MUC4: variants seen among roughly 807,000 people sequenced by gnomAD.
The protein encoded by MUC4 is mucin-4.
A neutral mutation model predicts 257.9 loss-of-function variants in MUC4; 202 were observed. The ratio of observed to expected loss-of-function variants is 0.78; its 90% CI spans 0.70 to 0.88. The LOEUF (loss-of-function observed/expected upper bound fraction) is 0.88, where lower values mean the gene tolerates loss of function less well. Among genes scored for constraint, MUC4 ranks in the 40% least tolerant of loss-of-function variants. The probability of loss-of-function intolerance (pLI) is 0.00; values close to 1 mark genes in which losing one functional copy is unlikely to be tolerated. For missense variants in MUC4, 5,976 were observed against 6,513.7 expected, an observed-to-expected ratio of 0.92 and a Z score of 2.84; for synonymous variants, 2,351 against 2,757.1, an observed-to-expected ratio of 0.85 and a Z score of 4.62.
At position 195,748,920 on chromosome 3, in the gene MUC4, G is replaced by A; in HGVS notation, c.16016C>T (p.Pro5339Leu). Reference protein sequence around the residue: ...CDHGGQCQHLPSGPRCSCVSF... With the variant: ...CDHGGQCQHLLSGPRCSCVSF... Reference sequence around the variant, plus strand: ...TATGCACCTGCAGCGGGGCCCACTGGGCAGGTGCTGGCACTGGCCTCCATG... The same window carrying A: ...TATGCACCTGCAGCGGGGCCCACTGAGCAGGTGCTGGCACTGGCCTCCATG... The change falls in exon 24 of 25, where the codon CCC (proline) becomes CTC (leucine). Residue 5339 changes from proline (P) to leucine (L), a missense_variant. By Grantham distance (98) the Pro-to-Leu change is moderately conservative (BLOSUM62 -3). Around this residue, in one of 44 missense-constraint regions of MUC4, gnomAD observed 310 missense variants for 242.1 expected, o/e 1.28. Coordinates refer to ENST00000463781, the MANE Select transcript of MUC4 (RefSeq NM_018406.7). 6.9e-6 allele frequency: 11 copies of A among 1,588,880 alleles called. No individual in the cohort carries two copies. Among genetic ancestry groups the A allele is most frequent in the Non-Finnish European group, 9.4e-6 (11 of 1,167,928 alleles).
rs1395439103 is a variant in MUC4 at position 195,781,109 on chromosome 3, C to T, written c.10471G>A (p.Val3491Ile). The T allele has an allele frequency of 2.0e-6, 3 of 1,485,736 alleles. No individual in the cohort carries two copies. Among genetic ancestry groups the T allele is most frequent in the African/African-American group, 1.7e-5 (1 of 59,366 alleles). The allele number at this position is 1,485,736 out of a possible 1,614,324, so 92.0% of individuals were successfully genotyped here. A position where few individuals can be genotyped will look rare whatever the true frequency, so the allele number is the denominator to read the frequency against. ...ASTGHTTPLH[V>I]TIPSSASTGD... is the part of the protein sequence containing the mutation. ...GTGGATGCTGAGGAAGGGATGGTGA[C>T]ATGAAGAGGGGTGGTGTGACCTGTA... is the stretch of plus-strand genomic sequence containing the variant. Residue 3491 changes from valine to isoleucine, a missense_variant, in exon 2 of 25, where the codon GTC (valine) becomes ATC (isoleucine). Transcript: ENST00000463781.
At position 195,755,345 on chromosome 3, in the gene MUC4, G is replaced by GCA; in HGVS notation, c.15169-974_15169-973insTG. ...CAAATACTTGAGATTACAGGCATAT[G>GCA]CCACCACGCCCAGCTAATTTTTTGA... is the stretch of plus-strand genomic sequence containing the variant. On this transcript the variant is annotated intron_variant, in intron 18 of 24. Transcript: ENST00000463781. This position sits in a 1 kb window ranked among gnomAD's most constrained non-coding sequence, Gnocchi z 5.0. 6.6e-6 allele frequency among the ~76,000 whole-genome samples: 1 copy of GCA among 151,910 alleles called. No homozygotes were observed. Among genetic ancestry groups the GCA allele is most frequent in the South Asian group, 2.1e-4 (1 of 4,806 alleles).
In MUC4 at chr3:195,784,619, G is replaced by A; in HGVS notation, c.6961C>T (p.Leu2321Phe). ...SSASTGHATP[L>F]PVTSLSSAST... ...GCTGAGGAAAGGCTGGTGACAGGAA[G>A]AGGGGTGGCGTGACCTGTGGATGCT... Residue 2321 changes from leucine to phenylalanine, a missense_variant, in exon 2 of 25, where the codon CTT becomes TTT. Coordinates refer to ENST00000463781, the MANE Select transcript of MUC4 (RefSeq NM_018406.7). 1 of 1,402,726 alleles carries A rather than the reference G, an allele frequency of 7.1e-7. No homozygotes were observed. Among genetic ancestry groups the A allele is most frequent in the Non-Finnish European group, 9.6e-7 (1 of 1,043,854 alleles). 86.9% of individuals were successfully genotyped at this position (1,402,726 alleles called of 1,614,324 possible).
chr3:195,767,924 ACCT>A (rs1721915037), intron 7 of MUC4, among the ~76,000 whole-genome samples: 3 of 145,092 alleles, frequency 2.1e-5, no homozygotes, highest in African/African-American at 7.9e-5. Context: ...CGCCACTGCC[ACCT>A]CCACCGCCAC....
At position 195,753,228 on chromosome 3, in the gene MUC4, G is replaced by A. The variant is rs139484804; in HGVS notation, c.15331C>T (p.Leu5111=). The A allele has an allele frequency of 6.2e-7, 1 of 1,613,828 alleles. No individual in the cohort carries two copies. Among genetic ancestry groups the A allele is most frequent in the African/African-American group, 1.3e-5 (1 of 75,030 alleles). The change falls in exon 20 of 25, where the codon CTG becomes TTG. Residue 5111 remains leucine, a splice_region_variant and synonymous_variant. Transcript: ENST00000463781. ...TTCTGACACAGGAAAGAGCTCCCCAGAGCTGCAGAGTGAGTAGGGAGGTCA... is the reference window on the plus strand; with the variant it reads ...TTCTGACACAGGAAAGAGCTCCCCAAAGCTGCAGAGTGAGTAGGGAGGTCA... ...LTGDGRHCAA[L]GSSFLCQNQS...
rs1275912359 is a variant in MUC4 at position 195,770,863 on chromosome 3, T to G, written c.13243-492A>C. ...CAGGACGGGCCCTCTTGACTCACTC[T>G]TGTTAGGATAGACCCCCTACAGCCT... is the stretch of plus-strand genomic sequence containing the variant. On this transcript the variant is annotated intron_variant, in intron 5 of 24. Coordinates refer to ENST00000463781, the MANE Select transcript of MUC4 (RefSeq NM_018406.7). 5 of 458,466 alleles carry G rather than the reference T, an allele frequency of 1.1e-5. No homozygotes were observed. The Middle Eastern group carries it at 9.7e-4, about 89-fold the overall frequency. 28.4% of individuals were successfully genotyped at this position (458,466 alleles called of 1,614,324 possible). A position where few individuals can be genotyped will look rare whatever the true frequency, so the allele number is the denominator to read the frequency against.
Position 195,781,794 on chromosome 3 carries a change from G to C in MUC4, c.9786C>G (p.Thr3262=). ...TDTSSASTGD[T]TSLPVTDTSS... The stretch of plus-strand genomic sequence containing the variant: ...AAGTGTCGGTGACAGGAAGAGAGGT[G>C]GTGTCACCTGTGGATGCTGAGGAAG... The change falls in exon 2 of 25, where the codon ACC becomes ACG. Residue 3262 remains threonine, a synonymous_variant. Transcript: ENST00000463781. 1.8e-6 allele frequency: 2 copies of C among 1,119,894 alleles called. No homozygotes were observed. Among genetic ancestry groups the C allele is most frequent in the Non-Finnish European group, 2.3e-6 (2 of 880,238 alleles). The allele number at this position is 1,119,894 out of a possible 1,614,324, so 69.4% of individuals were successfully genotyped here.
chr3:195,753,238 G>A lies in MUC4; in HGVS notation c.15329-8C>T. 1 of 1,613,556 alleles carries A rather than the reference G, an allele frequency of 6.2e-7. No homozygotes were observed. The highest frequency in any genetic ancestry group is 8.5e-7 in the Non-Finnish European group (1 of 1,179,680). On this transcript the variant is annotated splice_polypyrimidine_tract_variant and splice_region_variant and intron_variant, in intron 19 of 24. Transcript: ENST00000463781. ...GGAAAGAGCTCCCCAGAGCTGCAGA[G>A]TGAGTAGGGAGGTCAGCAGCAGCGC... is the stretch of plus-strand genomic sequence containing the variant.
intron 17 of MUC4, 47 bp downstream of exon 17, chr3:195,759,075 CAT>C: frequency 6.2e-7 from 1 of 1,604,420 alleles, no homozygotes; most frequent in East Asian, 2.2e-5. Flanking sequence ...ACTCTGACCT[CAT>C]CCCCTACCCA....
Position 195,746,952 on chromosome 3 carries a change from G to A in MUC4, c.*224C>T, listed in dbSNP as rs553816935. On this transcript the variant is annotated 3_prime_UTR_variant, in exon 25 of 25. Transcript: ENST00000463781. ...AGTGTCCTTCTGTGGGTGTGTCTGC[G>A]TGAGGACCCATCCATGCATGTTTGA... The A allele has an allele frequency of 8.4e-5, 55 of 651,950 alleles. No individual in the cohort carries two copies. In the East Asian group the frequency reaches 1.3e-3, roughly 15 times the overall value. 40.4% of individuals were successfully genotyped at this position (651,950 alleles called of 1,614,324 possible).
intron 3 of MUC4, among the ~76,000 whole-genome samples, chr3:195,775,614 CCA>C (rs1724352835): frequency 8.5e-6 from 1 of 118,224 alleles, no homozygotes; most frequent in South Asian, 2.7e-4. Flanking sequence ...CCCATACCTT[CCA>C]CAGTCATACC....
chr3:195,760,959 C>A lies in MUC4; in HGVS notation c.14773G>T (p.Ala4925Ser), dbSNP rs952125927. ...AGTCCGATGCTTGCGTTGCGCAGGG[C>A]CAGGGTGTCATAGATGCATGAGCTA... ...GDSSCIYDTL[A>S]LRNASIGLHT... The change falls in exon 16 of 25, where the codon GCC (alanine) becomes TCC (serine). Residue 4925 changes from alanine to serine, a missense_variant. Physicochemically the swap from Ala to Ser is moderately conservative, Grantham distance 99 (BLOSUM62 1). Transcript: ENST00000463781. 2 of 1,614,064 alleles carry A rather than the reference C, an allele frequency of 1.2e-6. No individual in the cohort carries two copies. Among genetic ancestry groups the A allele is most frequent in the African/African-American group, 2.7e-5 (2 of 74,926 alleles).
At chr3:195,756,386 G>A (rs1698438905) in intron 18 of MUC4, among the ~76,000 whole-genome samples, 2 of 152,220 alleles carry the variant, frequency 1.3e-5, no homozygotes, top group Admixed American at 6.5e-5. Context: ...GCTGGGCTTC[G>A]CCGCAGAGCT....
At chr3:195,773,016 T>C (rs1723427153) in intron 4 of MUC4, among the ~76,000 whole-genome samples, 1 of 141,022 alleles carries the variant, frequency 7.1e-6, no homozygotes, top group African/African-American at 2.7e-5. Flanking sequence ...GGACACCCTC[T>C]CTCCATCGCT....
In MUC4 at chr3:195,788,953, A is replaced by T. The variant is rs762492470; in HGVS notation, c.2627T>A (p.Leu876His). ...SIVPGTFHPT[L>H]SEASTAGRPT... ...TCTCCCTGCAGTGGAGGCCTCAGAGAGGGTGGGATGAAAGGTGCCGGGGAC... is the reference window on the plus strand; with the variant it reads ...TCTCCCTGCAGTGGAGGCCTCAGAGTGGGTGGGATGAAAGGTGCCGGGGAC... Residue 876 changes from leucine (L) to histidine (H), a missense_variant, in exon 2 of 25, where the codon CTC becomes CAC. Coordinates refer to ENST00000463781, the MANE Select transcript of MUC4 (RefSeq NM_018406.7). 1 of 1,613,386 alleles carries T rather than the reference A, an allele frequency of 6.2e-7. No homozygotes were observed. Among genetic ancestry groups the T allele is most frequent in the Non-Finnish European group, 8.5e-7 (1 of 1,179,692 alleles).
intron 9 of MUC4, 39 bp downstream of exon 9, chr3:195,765,231 T>G (rs1578034772): frequency 4.5e-6 from 7 of 1,560,152 alleles, no homozygotes; most frequent in Admixed American, 1.8e-5. Context: ...GCAGAGAGGG[T>G]GGTGGGTGGG....
intron 1 of MUC4, among the ~76,000 whole-genome samples, chr3:195,805,518 G>C (rs891566561): frequency 6.6e-6 from 1 of 152,206 alleles, no homozygotes; most frequent in Non-Finnish European, 1.5e-5. Context: ...GTCCTCAGGA[G>C]CCTGGCTGCC....
chr3:195,759,262 C>G lies in MUC4; in HGVS notation c.14849-1G>C, dbSNP rs1405714932. 1 of 1,613,834 alleles carries G rather than the reference C, an allele frequency of 6.2e-7. No individual in the cohort carries two copies. The highest frequency in any genetic ancestry group is 8.5e-7 in the Non-Finnish European group (1 of 1,179,912). Reference sequence around the variant, plus strand: ...CCATTGATGGAGGGCGGGTACTGATCTGAAACACAAAGAGGGAATGGGGGT... The same window carrying G: ...CCATTGATGGAGGGCGGGTACTGATGTGAAACACAAAGAGGGAATGGGGGT... On this transcript the variant is annotated splice_acceptor_variant, in intron 16 of 24. Coordinates refer to ENST00000463781, the MANE Select transcript of MUC4 (RefSeq NM_018406.7). LOFTEE classifies it high-confidence loss of function.
rs781224285 is a variant in MUC4, at chr3:195,783,675, T to G, written c.7905A>C (p.Thr2635=). The G allele has an allele frequency of 7.2e-6, 3 of 415,336 alleles. No homozygotes were observed. The highest frequency in any genetic ancestry group is 3.5e-5 in the East Asian group (1 of 28,820). 25.7% of individuals were successfully genotyped at this position (415,336 alleles called of 1,614,324 possible). A position where few individuals can be genotyped will look rare whatever the true frequency, so the allele number is the denominator to read the frequency against. The change falls in exon 2 of 25, where the codon ACA becomes ACC. Residue 2635 remains threonine, a synonymous_variant. Coordinates refer to ENST00000463781, the MANE Select transcript of MUC4 (RefSeq NM_018406.7). ...TGACAAGAAGAGGAGTGGCGTGACC[T>G]GTGGATGCTGAGGAAGGGCTAGTGA... ...LPVTSPSSAS[T]GHATPLLVTD...
Sources: allele counts gnomAD v4.1 joint callset (sites outside exome capture counted in the v4.1 genomes callset), GRCh38; gene constraint gnomAD v4.1.1; regional missense constraint gnomAD v4.1.1; non-coding constraint Gnocchi (gnomAD v3.1); transcripts MANE v1.5; gene names NCBI Gene and HGNC (gene_info 2026-07-23, HGNC 2026-07-21).